Variants in DAW1 observed in about 807,000 individuals in gnomAD.
DAW1 encodes the protein dynein assembly factor with WD repeat domains 1.
Under a neutral mutation model 56.5 loss-of-function variants are expected in DAW1, and 47 were observed. The observed-to-expected ratio is 0.83, with a 90% CI of 0.66 to 1.06. The LOEUF is 1.06. Among genes scored for constraint, DAW1 ranks in the 50% least tolerant of loss-of-function variants. DAW1 has a pLI of 0.00. For synonymous variants in DAW1, 190 were observed against 179.0 expected (o/e 1.06, Z -0.49); for missense variants, 505 against 499.3 (o/e 1.01, Z -0.11).
intron 12 of DAW1, 150 bp downstream of exon 12, chr2:227,921,711 T>A (rs1692115608): frequency 1.2e-6 from 1 of 811,262 alleles, no homozygotes; most frequent in Non-Finnish European, 1.8e-6. Context: ...TTTCATTATT[T>A]AATTTTAGTT....
chr2:227,890,241 T>C (rs1018875704), intron 3 of DAW1, among the ~76,000 whole-genome samples: 3 of 152,296 alleles, frequency 2.0e-5, no homozygotes, highest in Admixed American at 2.0e-4. Flanking sequence ...TAATGATAAA[T>C]TTAAAGGGTT....
At chr2:227,895,955 G>C (rs1044421324) in intron 5 of DAW1, among the ~76,000 whole-genome samples, 1 of 152,124 alleles carries the variant, frequency 6.6e-6, no homozygotes, top group African/African-American at 2.4e-5. Context: ...AGGAAGAATA[G>C]AGGAATTTCA....
intron 2 of DAW1, among the ~76,000 whole-genome samples, chr2:227,887,911 C>T (rs959362713): frequency 6.6e-6 from 1 of 152,184 alleles, no homozygotes; most frequent in Non-Finnish European, 1.5e-5. Context: ...GAAAATCCTA[C>T]AGGGTTGGAG....
chr2:227,872,009 C>G, intron 1 of DAW1: 1 of 515,634 alleles, frequency 1.9e-6, no homozygotes, highest in Non-Finnish European at 3.4e-6. Context: ...ACGCTTTGTG[C>G]TCTCTGCTAT....
At chr2:227,912,381 T>A in intron 10 of DAW1, 1 of 1,304,828 alleles carries the variant, frequency 7.7e-7, no homozygotes, top group Non-Finnish European at 1.0e-6. Flanking sequence ...TTCTTGGTAA[T>A]CATGTTTGAT....
chr2:227,878,314 TTGA>T (rs1487660401), intron 1 of DAW1, among the ~76,000 whole-genome samples: 1 of 152,246 alleles, frequency 6.6e-6, no homozygotes, highest in Non-Finnish European at 1.5e-5. Context: ...AAACACTCCC[TTGA>T]TGATAGTGAC....
chr2:227,907,422 C>A (rs1431310492), intron 10 of DAW1, among the ~76,000 whole-genome samples, 170 bp downstream of exon 10: 1 of 152,170 alleles, frequency 6.6e-6, no homozygotes, highest in South Asian at 2.1e-4. Flanking sequence ...ATATCATATA[C>A]CTGATAACCA....
At chr2:227,872,358 A>G (rs778117648) in intron 1 of DAW1, 16 of 152,130 alleles carry the variant, frequency 1.1e-4, no homozygotes, top group African/African-American at 2.4e-4. Context: ...CACTTGCCCA[A>G]TGAAGTTTGG....
At chr2:227,874,231 A>G (rs1260982002) in intron 1 of DAW1, among the ~76,000 whole-genome samples, 2 of 152,166 alleles carry the variant, frequency 1.3e-5, no homozygotes, top group African/African-American at 2.4e-5. Context: ...TACAATAATA[A>G]AAAAACTTGG....
At chr2:227,906,200 T>C (rs865957439) in intron 8 of DAW1, 36 bp from the exon 9 acceptor site, 1 of 1,533,654 alleles carries the variant, frequency 6.5e-7, no homozygotes, top group East Asian at 2.3e-5. Context: ...TGAAGTAAGA[T>C]ATCTTTCACT....
Position 227,924,216 on chromosome 2 carries a change from GTTGTGT to G in DAW1, c.*253_*258del. 1 of 501,950 alleles carries G rather than the reference GTTGTGT, an allele frequency of 2.0e-6. No homozygotes were observed. Among genetic ancestry groups the G allele is most frequent in the South Asian group, 3.4e-5 (1 of 29,288 alleles). The allele number at this position is 501,950 out of a possible 1,614,324, so 31.1% of individuals were successfully genotyped here. A position where few individuals can be genotyped will look rare whatever the true frequency, so the allele number is the denominator to read the frequency against. On this transcript the variant is annotated 3_prime_UTR_variant, in exon 13 of 13. Coordinates refer to ENST00000309931, the MANE Select transcript of DAW1 (RefSeq NM_178821.3). ...TTGGCTAATGCCACCAGTTATTTCA[GTTGTGT>G]TTGTTTTTTAAAAGCATTATGATAC... is the stretch of plus-strand genomic sequence containing the variant.
intron 10 of DAW1, 87 bp from the exon 11 acceptor site, chr2:227,918,693 G>GTA (rs1195794188): frequency 1.4e-6 from 2 of 1,401,694 alleles, no homozygotes; most frequent in East Asian, 4.8e-5. Context: ...TGTGTCAGGG[G>GTA]GATATATATT....
In DAW1 at chr2:227,911,267, C is replaced by CATATATACATATATACACGTGTATATAT. The variant is rs1559312581; in HGVS notation, c.973+4016_973+4017insTATATACATATATACACGTGTATATATA. On this transcript the variant is annotated intron_variant, in intron 10 of 12. Transcript: ENST00000309931. Reference sequence around the variant, plus strand: ...ATATACATATATACACGTGTATATACACATATACACGTGTATATATACATA... The same window carrying CATATATACATATATACACGTGTATATAT: ...ATATACATATATACACGTGTATATACATATATACATATATACACGTGTATATATACATATACACGTGTATATATACATA... 5.1e-4 allele frequency among the ~76,000 whole-genome samples: 68 copies of CATATATACATATATACACGTGTATATAT among 132,804 alleles called. 4 individuals carry two copies. The highest frequency in any genetic ancestry group is 7.4e-4 in the Non-Finnish European group (45 of 60,430). 87.1% of individuals were successfully genotyped at this position (132,804 alleles called of 152,430 possible).
chr2:227,896,256 A>G (rs547870525), intron 5 of DAW1, among the ~76,000 whole-genome samples: 1 of 152,286 alleles, frequency 6.6e-6, no homozygotes, highest in South Asian at 2.1e-4. Context: ...AAATGACACT[A>G]TTTTACATCT....
At chr2:227,908,144 G>A (rs1016803763) in intron 10 of DAW1, among the ~76,000 whole-genome samples, 8 of 152,178 alleles carry the variant, frequency 5.3e-5, no homozygotes, top group Non-Finnish European at 1.2e-4. Flanking sequence ...TTGCTCACAT[G>A]TGACATGATA....
intron 10 of DAW1, among the ~76,000 whole-genome samples, chr2:227,916,567 G>A (rs1691956651): frequency 6.6e-6 from 1 of 152,078 alleles, no homozygotes; most frequent in Non-Finnish European, 1.5e-5. Flanking sequence ...TAACCTTGTA[G>A]AGTGCTTTAC....
At chr2:227,891,441 G>C (rs988999893) in intron 4 of DAW1, 128 bp downstream of exon 4, 91 of 750,994 alleles carry the variant, frequency 1.2e-4, no homozygotes, top group Non-Finnish European at 1.8e-4. Flanking sequence ...CTTGGATACT[G>C]AGGAGAAATA....
Position 227,907,258 on chromosome 2 carries a change from T to TGAACAGAAA in DAW1, c.973+8_973+9insACAGAAAGA. 6.2e-7 allele frequency: 1 copy of TGAACAGAAA among 1,607,008 alleles called. No individual in the cohort carries two copies. The highest frequency in any genetic ancestry group is 8.5e-7 in the Non-Finnish European group (1 of 1,175,064). Reference sequence around the variant, plus strand: ...TGCAACTGCTTCAGCTGATGGTAGGTGATCTGTTCATTCTTTTAATTTTTG... The same window carrying TGAACAGAAA: ...TGCAACTGCTTCAGCTGATGGTAGGTGAACAGAAAGATCTGTTCATTCTTTTAATTTTTG... On this transcript the variant is annotated splice_region_variant and intron_variant, in intron 10 of 12. Coordinates refer to ENST00000309931, the MANE Select transcript of DAW1 (RefSeq NM_178821.3).
At chr2:227,913,408 G>A (rs1438703809) in intron 10 of DAW1, among the ~76,000 whole-genome samples, 1 of 152,064 alleles carries the variant, frequency 6.6e-6, no homozygotes, top group Non-Finnish European at 1.5e-5. Flanking sequence ...TATACTGTGT[G>A]TTTCATCATG....
Sources: gnomAD v4.1 joint callset for allele counts (sites outside exome capture counted in the v4.1 genomes callset) on GRCh38, gnomAD v4.1.1 for gene constraint, MANE v1.5 for transcripts, NCBI Gene and HGNC (gene_info 2026-07-23, HGNC 2026-07-21) for gene names.